DIP2C: variants seen among roughly 807,000 people sequenced by gnomAD.
DIP2C encodes disco-interacting protein 2 homolog C.
DIP2C carries 33 observed loss-of-function variants against 192.4 expected under a neutral mutation model. The observed-to-expected ratio is 0.17, with a 90% CI of 0.13 to 0.23. DIP2C has a LOEUF of 0.23. Ranked by LOEUF, DIP2C falls within the 10% of genes least tolerant of loss-of-function variation. The pLI is 1.00. For synonymous variants in DIP2C, 979 were observed against 864.1 expected (o/e 1.13, Z -2.33); for missense variants, 1,537 against 2,110.1 (o/e 0.73, Z 5.32).
chr10:615,225 G>C (rs903238193), intron 1 of DIP2C, among the ~76,000 whole-genome samples: 1 of 152,208 alleles, frequency 6.6e-6, no homozygotes, highest in African/African-American at 2.4e-5. Context: ...CCAACGATCG[G>C]GGAAGAAATG....
In DIP2C at chr10:636,848, A is replaced by G. The variant is rs1037298870; in HGVS notation, c.85+52646T>C. On this transcript the variant is annotated intron_variant, in intron 1 of 36. Coordinates refer to ENST00000280886, the MANE Select transcript of DIP2C (RefSeq NM_014974.3). This position sits in a 1 kb window ranked among gnomAD's most constrained non-coding sequence, Gnocchi z 4.6. ...CAGGAAGTTTCAGTCTCGAGGCGCA[A>G]TCACCTTCCGTCATACACTTCTCAG... Among the ~76,000 whole-genome samples, 1 of 152,184 alleles carries G rather than the reference A, an allele frequency of 6.6e-6. No individual in the cohort carries two copies. The highest frequency in any genetic ancestry group is 1.5e-5 in the Non-Finnish European group (1 of 68,026).
chr10:578,771 CAT>C (rs1026307115), intron 1 of DIP2C, among the ~76,000 whole-genome samples: 13 of 151,766 alleles, frequency 8.6e-5, no homozygotes, highest in Middle Eastern at 3.2e-3. Flanking sequence ...CATCCAACTA[CAT>C]ATAGTGTACA....
chr10:608,104 AACACACACACCAC>A (rs201113911), intron 1 of DIP2C, among the ~76,000 whole-genome samples: 3 of 145,542 alleles, frequency 2.1e-5, no homozygotes, highest in Non-Finnish European at 4.5e-5. Context: ...CCTAAAAAGG[AACACACACACCAC>A]ACACACAGCC....
At chr10:555,782 G>A (rs1053719203) in intron 1 of DIP2C, among the ~76,000 whole-genome samples, 3 of 152,050 alleles carry the variant, frequency 2.0e-5, no homozygotes, top group South Asian at 2.1e-4. Flanking sequence ...CCCACTACAC[G>A]CAAGGTCACG....
intron 7 of DIP2C, among the ~76,000 whole-genome samples, chr10:414,554 G>A (rs1392267592): frequency 6.6e-6 from 1 of 151,540 alleles, no homozygotes; most frequent in Non-Finnish European, 1.5e-5. Context: ...CTTTTGCCTT[G>A]GCTGGAGTGC....
intron 1 of DIP2C, among the ~76,000 whole-genome samples, chr10:563,438 A>C (rs1849315601): frequency 6.6e-6 from 1 of 152,254 alleles, no homozygotes; most frequent in African/African-American, 2.4e-5. Context: ...AACTAGGTGA[A>C]ATGAGTCTTC....
intron 1 of DIP2C, among the ~76,000 whole-genome samples, chr10:647,378 A>G (rs1383196854): frequency 6.6e-6 from 1 of 151,730 alleles, no homozygotes; most frequent in Non-Finnish European, 1.5e-5. Flanking sequence ...AACAGAGGGA[A>G]ACTGAGTCCA....
chr10:388,313 T>C (rs1369705957), intron 13 of DIP2C, among the ~76,000 whole-genome samples: 2 of 152,070 alleles, frequency 1.3e-5, no homozygotes, highest in Non-Finnish European at 2.9e-5. Context: ...TCAATGACTA[T>C]GGGGGAGGGC....
rs1209842707 is a variant in DIP2C, at chr10:384,706, G to A, written c.1663-67C>T. 5 of 1,533,830 alleles carry A rather than the reference G, an allele frequency of 3.3e-6. No individual in the cohort carries two copies. In the East Asian group the frequency reaches 6.7e-5, roughly 21 times the overall value. On this transcript the variant is annotated intron_variant, in intron 14 of 36. Coordinates refer to ENST00000280886, the MANE Select transcript of DIP2C (RefSeq NM_014974.3). ...CACGCAGAGGAGCAGCTCTCACCCAGTGGCATGGACACTAGGCCGCACGGG... is the reference window on the plus strand; with the variant it reads ...CACGCAGAGGAGCAGCTCTCACCCAATGGCATGGACACTAGGCCGCACGGG...
chr10:547,925 T>G (rs941760254), intron 1 of DIP2C, among the ~76,000 whole-genome samples: 16 of 152,150 alleles, frequency 1.1e-4, no homozygotes, highest in African/African-American at 3.6e-4. Context: ...TGGGTCACCC[T>G]TATCTCTCAT....
chr10:634,228 C>A (rs529827447), intron 1 of DIP2C, among the ~76,000 whole-genome samples: 10 of 152,236 alleles, frequency 6.6e-5, no homozygotes, highest in Non-Finnish European at 1.3e-4. Context: ...TACTGAGGCT[C>A]CACACAGATG....
At chr10:607,271 G>C (rs1852561295) in intron 1 of DIP2C, among the ~76,000 whole-genome samples, 1 of 152,200 alleles carries the variant, frequency 6.6e-6, no homozygotes, top group African/African-American at 2.4e-5. Context: ...CCTAAACACA[G>C]GAACGGTCCT....
chr10:498,914 T>A (rs1052749414), intron 1 of DIP2C, among the ~76,000 whole-genome samples: 1 of 152,206 alleles, frequency 6.6e-6, no homozygotes, highest in Admixed American at 6.5e-5. Context: ...GTGGATTTTC[T>A]ATGGTGTTAC....
chr10:476,547 G>A (rs1539230), intron 2 of DIP2C, among the ~76,000 whole-genome samples: 127,385 of 152,200 alleles, frequency 0.84, 56,435 homozygotes, highest in Non-Finnish European at 0.97. Context: ...ACAAGGAAAT[G>A]CAGGTGCAGA....
intron 32 of DIP2C, among the ~76,000 whole-genome samples, chr10:304,219 T>C (rs1956199226): frequency 6.6e-6 from 1 of 152,240 alleles, no homozygotes; most frequent in Admixed American, 6.5e-5. Context: ...CAGAGGTTTA[T>C]ACTAGCATTG....
chr10:619,545 T>TCCCTCCCTCCCTCCCTCCCTCCCTCCCA (rs1554757207), intron 1 of DIP2C, among the ~76,000 whole-genome samples: 5 of 15,872 alleles, frequency 3.2e-4, no homozygotes, highest in African/African-American at 1.2e-3. Context: ...CCGCCCGCCC[T>TCCCTCCCTCCCTCCCTCCCTCCCTCCCA]CCCACCCAGC....
At chr10:294,728 A>AT (rs1955665751) in intron 32 of DIP2C, among the ~76,000 whole-genome samples, 1 of 152,110 alleles carries the variant, frequency 6.6e-6, no homozygotes. Context: ...TAAAAAAAAA[A>AT]TTTATTTTTG....
At chr10:629,582 C>T (rs944539291) in intron 1 of DIP2C, among the ~76,000 whole-genome samples, 1 of 152,254 alleles carries the variant, frequency 6.6e-6, no homozygotes, top group African/African-American at 2.4e-5. Context: ...CAGGCCCAGC[C>T]TCACTGCTTT....
At chr10:428,771 G>T (rs147987167) in intron 4 of DIP2C, among the ~76,000 whole-genome samples, 284 of 152,062 alleles carry the variant, frequency 1.9e-3, no homozygotes, top group African/African-American at 6.0e-3. Flanking sequence ...TTAACATTGT[G>T]TCACAGGAGC....
Sources: allele counts gnomAD v4.1 joint callset (sites outside exome capture counted in the v4.1 genomes callset), GRCh38; gene constraint gnomAD v4.1.1; non-coding constraint Gnocchi (gnomAD v3.1); transcripts MANE v1.5; gene names NCBI Gene and HGNC (gene_info 2026-07-23, HGNC 2026-07-21).